PABIR3: variants seen among roughly 807,000 people sequenced by gnomAD.
PABIR3 encodes PABIR family member 3, also known as PABIR family member 1.
A neutral mutation model predicts 23.1 loss-of-function variants in PABIR3; 20 were observed. That is an observed-to-expected ratio of 0.86 (90% confidence interval 0.61 to 1.26). The LOEUF (loss-of-function observed/expected upper bound fraction) is 1.26. Ranked by LOEUF, PABIR3 falls within the 50% of genes most tolerant of loss-of-function variation. The pLI is 0.00. For synonymous variants in PABIR3, 69 were observed against 68.5 expected (o/e 1.01, Z -0.04); for missense variants, 189 against 195.4 (o/e 0.97, Z 0.20).
At position 134,847,485 on chromosome X, in the gene PABIR3, G is replaced by A. The variant is rs769028547; in HGVS notation, c.438+10G>A. ...CAAGAAGACTGGGAAGGTAAGAAAG[G>A]AGTACCTAAAAGTCTATGTCTCTTG... On this transcript the variant is annotated intron_variant, in intron 7 of 10. Coordinates refer to ENST00000645433, the MANE Select transcript of PABIR3 (RefSeq NM_001388447.1). 3 of 1,134,575 alleles carry A rather than the reference G, an allele frequency of 2.6e-6. No individual in the cohort carries two copies. The highest frequency in any genetic ancestry group is 3.0e-5 in the East Asian group (1 of 33,451). 93.5% of individuals were successfully genotyped at this position (1,134,575 alleles called of 1,213,427 possible). A position where few individuals can be genotyped will look rare whatever the true frequency, so the allele number is the denominator to read the frequency against.
upstream of PABIR3, among the ~76,000 whole-genome samples, chrX:134,806,159 C>CTAA (rs983083256): frequency 3.6e-5 from 4 of 112,062 alleles, no homozygotes; most frequent in African/African-American, 1.3e-4. Flanking sequence ...TATGTAGCTT[C>CTAA]TAATACTACC....
intron 4 of PABIR3, among the ~76,000 whole-genome samples, chrX:134,831,291 A>G (rs1263076019): frequency 9.1e-6 from 1 of 110,222 alleles, no homozygotes; most frequent in Non-Finnish European, 1.9e-5. Context: ...CTGGTTTCGA[A>G]CTCCTGACCT....
chrX:134,855,825 A>G (rs2082746887), downstream of PABIR3, among the ~76,000 whole-genome samples: 1 of 111,908 alleles, frequency 8.9e-6, no homozygotes, highest in Admixed American at 9.6e-5. Context: ...ACAGGATTCT[A>G]TAAATTGGCT....
chrX:134,837,929 A>C (rs1242351221), intron 4 of PABIR3, among the ~76,000 whole-genome samples: 1 of 112,382 alleles, frequency 8.9e-6, no homozygotes, highest in African/African-American at 3.2e-5. Flanking sequence ...CATTTTGCTG[A>C]ATTTACTGTT....
intron 1 of PABIR3, among the ~76,000 whole-genome samples, chrX:134,797,992 TG>T (rs1294755112): frequency 9.0e-6 from 1 of 110,799 alleles, no homozygotes; most frequent in Admixed American, 9.6e-5. Flanking sequence ...GTTAATTTTT[TG>T]TATTTTTAGT....
intron 4 of PABIR3, among the ~76,000 whole-genome samples, chrX:134,836,283 A>G: frequency 8.9e-6 from 1 of 112,135 alleles, no homozygotes; most frequent in Middle Eastern, 4.2e-3. Flanking sequence ...CCTAATAAAA[A>G]TTGAGCTTGT....
chrX:134,863,532 CTT>C, the PABIR3 span, among the ~76,000 whole-genome samples: 4 of 111,615 alleles, frequency 3.6e-5, no homozygotes, highest in Non-Finnish European at 7.5e-5. Flanking sequence ...ATTTTCTACT[CTT>C]TGTCCCAGTC....
intron 9 of PABIR3, among the ~76,000 whole-genome samples, chrX:134,852,570 CATT>C (rs965534809): frequency 2.5e-4 from 28 of 110,273 alleles, no homozygotes; most frequent in African/African-American, 6.2e-4. Flanking sequence ...AATCTAAAAA[CATT>C]ATATACGGTA....
intron 4 of PABIR3, among the ~76,000 whole-genome samples, chrX:134,837,920 A>G (rs1427628729): frequency 8.9e-6 from 1 of 112,301 alleles, no homozygotes; most frequent in African/African-American, 3.2e-5. Flanking sequence ...TAACAATTAC[A>G]TTTTGCTGAA....
At chrX:134,804,200 G>T, upstream of PABIR3, 1 of 1,150,658 alleles carries the variant, frequency 8.7e-7, no homozygotes, top group South Asian at 1.9e-5. Flanking sequence ...CCAAGATCAT[G>T]GCATATTTCC....
intron 3 of PABIR3, chrX:134,821,541 G>T: frequency 8.7e-7 from 1 of 1,150,546 alleles, no homozygotes; most frequent in Non-Finnish European, 1.2e-6. Context: ...CTCTTCCAAA[G>T]GAAGCAGGGG....
At chrX:134,847,542 G>C (rs751158444) in intron 7 of PABIR3, 67 bp downstream of exon 7, 24 of 793,846 alleles carry the variant, frequency 3.0e-5, no homozygotes, top group Admixed American at 7.8e-5. Flanking sequence ...GAACATTAAT[G>C]GTCACCAAAA....
chrX:134,809,816 C>T, intron 2 of PABIR3: 3 of 753,901 alleles, frequency 4.0e-6, no homozygotes, highest in Non-Finnish European at 4.7e-6. Flanking sequence ...AATACCTAAG[C>T]TGATTAACTC....
In PABIR3 at chrX:134,839,765, C is replaced by T. The variant is rs1309650329; in HGVS notation, c.247-5440C>T. ...GGGGTCAGCCCCCCGCCCGGCCAGC[C>T]GCCTCGTCCGGGAGGTGAGGGGCGC... is the stretch of plus-strand genomic sequence containing the variant. On this transcript the variant is annotated intron_variant, in intron 4 of 10. Transcript: ENST00000645433. Among the ~76,000 whole-genome samples, 69 of 109,452 alleles carry T rather than the reference C, an allele frequency of 6.3e-4. No individual in the cohort carries two copies. The East Asian group carries it at 0.013, about 20-fold the overall frequency.
At chrX:134,820,743 GGGCACA>G (rs2081228309) in intron 3 of PABIR3, among the ~76,000 whole-genome samples, 1 of 111,002 alleles carries the variant, frequency 9.0e-6, no homozygotes, top group Admixed American at 9.7e-5. Flanking sequence ...AAAACAGGCT[GGGCACA>G]GTAGCTCACG....
At chrX:134,858,733 C>T (rs191206441), downstream of PABIR3, among the ~76,000 whole-genome samples, 4 of 111,446 alleles carry the variant, frequency 3.6e-5, no homozygotes, top group Admixed American at 1.9e-4. Context: ...CCTGAAATTC[C>T]GTAATGTCTC....
chrX:134,852,271 T>C (rs2082661358), intron 9 of PABIR3, among the ~76,000 whole-genome samples: 1 of 111,259 alleles, frequency 9.0e-6, no homozygotes, highest in Non-Finnish European at 1.9e-5. Context: ...GGCCAGGAAT[T>C]TGAGACCAGC....
chrX:134,848,481 T>C lies in PABIR3; in HGVS notation c.527+510T>C, dbSNP rs574806574. ...AACATAAGAAGAATTTAGTAATTCC[T>C]TCACCCTGCTAATACATAATCTTTC... On this transcript the variant is annotated intron_variant, in intron 8 of 10. Transcript: ENST00000645433. Among the ~76,000 whole-genome samples, 11 of 111,863 alleles carry C rather than the reference T, an allele frequency of 9.8e-5. No homozygotes were observed. The South Asian group carries it at 2.6e-3, about 26-fold the overall frequency.
intron 3 of PABIR3, chrX:134,821,189 TG>T (rs1278437228): frequency 5.2e-6 from 3 of 573,272 alleles, no homozygotes; most frequent in Non-Finnish European, 7.6e-6. Flanking sequence ...TGAAGAGCCA[TG>T]GGTTTTTGTG....
Sources: gnomAD v4.1 joint callset for allele counts (sites outside exome capture counted in the v4.1 genomes callset) on GRCh38, gnomAD v4.1.1 for gene constraint, MANE v1.5 for transcripts, NCBI Gene and HGNC (gene_info 2026-07-23, HGNC 2026-07-21) for gene names.